The following SLC25A46 variants were observed in gnomAD, a reference collection of about 807,000 sequenced individuals.
SLC25A46 encodes mitochondrial outer membrane protein SLC25A46.
Under a neutral mutation model 44.6 loss-of-function variants are expected in SLC25A46, and 39 were observed. The ratio of observed to expected loss-of-function variants is 0.87; its 90% CI spans 0.68 to 1.14. The LOEUF (loss-of-function observed/expected upper bound fraction) is 1.14, where lower values mean the gene tolerates loss of function less well. SLC25A46 is among the 50% of genes most tolerant of loss of function. SLC25A46 has a pLI of 0.00. For synonymous variants in SLC25A46, 202 were observed against 185.8 expected (o/e 1.09, Z -0.71); for missense variants, 547 against 522.7 (o/e 1.05, Z -0.45).
intron 5 of SLC25A46, among the ~76,000 whole-genome samples, chr5:110,753,032 CAA>C (rs1800007552): frequency 6.6e-6 from 1 of 152,178 alleles, no homozygotes; most frequent in Non-Finnish European, 1.5e-5. Context: ...AGCACAGGGG[CAA>C]AGAGTGCTTC....
At chr5:110,744,036 A>G (rs984152146) in intron 3 of SLC25A46, among the ~76,000 whole-genome samples, 1 of 152,186 alleles carries the variant, frequency 6.6e-6, no homozygotes, top group Admixed American at 6.5e-5. Context: ...CAATGCATCT[A>G]TATAATTCAT....
chr5:110,761,231 A>G lies in SLC25A46; in HGVS notation c.706A>G (p.Ile236Val). ...QSEIIRDNTG[I>V]LECVKEGIGR... ...TGAGATAATTCGAGATAATACTGGC[A>G]TTTTGGAGTGTGTTAAAGAAGGAAT... The change falls in exon 8 of 8, where the codon ATT becomes GTT. Residue 236 changes from isoleucine (I) to valine (V), a missense_variant. Ile to Val is a conservative substitution (Grantham distance 29). Transcript: ENST00000355943. The surrounding 1 kb of genome is among the most constrained non-coding windows in gnomAD (Gnocchi z 5.3). The G allele has an allele frequency of 6.2e-7, 1 of 1,608,268 alleles. No homozygotes were observed. The highest frequency in any genetic ancestry group is 8.5e-7 in the Non-Finnish European group (1 of 1,178,208).
intron 1 of SLC25A46, among the ~76,000 whole-genome samples, chr5:110,740,295 C>G (rs979185655): frequency 1.3e-5 from 2 of 152,122 alleles, no homozygotes; most frequent in African/African-American, 4.8e-5. Context: ...CAGCTTTATT[C>G]TTATTTCCTC....
At chr5:110,753,058 G>A (rs1225652032) in intron 5 of SLC25A46, among the ~76,000 whole-genome samples, 21 of 152,076 alleles carry the variant, frequency 1.4e-4, no homozygotes, top group Admixed American at 1.2e-3. Context: ...GAGAGAAGAG[G>A]CTCTGATGGC....
chr5:110,748,331 A>C, intron 5 of SLC25A46, 68 bp downstream of exon 5: 1 of 1,262,784 alleles, frequency 7.9e-7, no homozygotes, highest in Non-Finnish European at 1.2e-6. Flanking sequence ...CAGGCGGTAC[A>C]TGTGCAGGCT....
In SLC25A46 at chr5:110,741,842, C is replaced by G; in HGVS notation, c.284-205C>G. ...GTAATTGTGCTTTAAACACTCTACA[C>G]CTTGCAATTTGCCACAGACCCCAGC... On this transcript the variant is annotated intron_variant, in intron 1 of 7. Transcript: ENST00000355943. 6.1e-6 allele frequency: 3 copies of G among 495,670 alleles called. No individual in the cohort carries two copies. The South Asian group carries it at 8.9e-5, about 15-fold the overall frequency. The allele number at this position is 495,670 out of a possible 1,614,324, so 30.7% of individuals were successfully genotyped here.
intron 6 of SLC25A46, among the ~76,000 whole-genome samples, 199 bp from the exon 7 acceptor site, chr5:110,756,500 TTCA>T (rs1433673498): frequency 6.6e-6 from 1 of 152,174 alleles, no homozygotes; most frequent in Admixed American, 6.6e-5. Flanking sequence ...ATTTGATTTT[TTCA>T]TCTCTGTTGA....
At position 110,739,060 on chromosome 5, in the gene SLC25A46, C is replaced by T. The variant is rs1561595197; in HGVS notation, c.-60C>T. Reference sequence around the variant, plus strand: ...GACGGGAAGCTGTGTGTGCTTAGGTCGTGGTGGCCCCGGTGGTGGTGGGCT... The same window carrying T: ...GACGGGAAGCTGTGTGTGCTTAGGTTGTGGTGGCCCCGGTGGTGGTGGGCT... On this transcript the variant is annotated 5_prime_UTR_variant, in exon 1 of 8. Transcript: ENST00000355943. 13 of 1,524,404 alleles carry T rather than the reference C, an allele frequency of 8.5e-6. No individual in the cohort carries two copies. The highest frequency in any genetic ancestry group is 2.3e-4 in the Middle Eastern group (1 of 4,334). 94.4% of individuals were successfully genotyped at this position (1,524,404 alleles called of 1,614,324 possible).
chr5:110,749,517 G>A (rs545995438), intron 5 of SLC25A46, among the ~76,000 whole-genome samples: 21 of 150,678 alleles, frequency 1.4e-4, no homozygotes, highest in Non-Finnish European at 2.7e-4. Flanking sequence ...CGGTGGGAAG[G>A]GGGGTAGTTG....
rs776367643 is a variant in SLC25A46 at position 110,761,477 on chromosome 5, A to G, written c.952A>G (p.Ile318Val). 6.2e-7 allele frequency: 1 copy of G among 1,613,796 alleles called. No individual in the cohort carries two copies. The highest frequency in any genetic ancestry group is 1.1e-5 in the South Asian group (1 of 91,078). ...GTTGGATGCTTATTTTCCAGAACTT[A>G]TTGCTAACTTTGCTGCCAGTCTTTG... ...SMLDAYFPEL[I>V]ANFAASLCSD... Residue 318 changes from isoleucine (I) to valine (V), a missense_variant, in exon 8 of 8, where the codon ATT becomes GTT. By Grantham distance (29) the Ile-to-Val change is conservative (BLOSUM62 3). Transcript: ENST00000355943. This position sits in a 1 kb window ranked among gnomAD's most constrained non-coding sequence, Gnocchi z 5.3.
chr5:110,758,901 T>C (rs1800178649), intron 7 of SLC25A46, among the ~76,000 whole-genome samples: 1 of 152,204 alleles, frequency 6.6e-6, no homozygotes, highest in Non-Finnish European at 1.5e-5. Flanking sequence ...TTTTACTGAT[T>C]AAGGATTCAT....
chr5:110,752,063 G>A (rs1236379509), intron 5 of SLC25A46, among the ~76,000 whole-genome samples: 1 of 152,096 alleles, frequency 6.6e-6, no homozygotes, highest in Non-Finnish European at 1.5e-5. Flanking sequence ...ACTACATGAG[G>A]AGGATGAGCT....
At chr5:110,757,569 G>A (rs1356367932) in intron 7 of SLC25A46, among the ~76,000 whole-genome samples, 1 of 151,952 alleles carries the variant, frequency 6.6e-6, no homozygotes, top group Non-Finnish European at 1.5e-5. Flanking sequence ...TTTTCTGGCT[G>A]TATCATTCAT....
In SLC25A46 at chr5:110,739,087, C is replaced by T. The variant is rs1327873623; in HGVS notation, c.-33C>T. ...TGGTGGCCCCGGTGGTGGTGGGCTC[C>T]GGGCGGGCTCGCGTCATCCTGCCCC... On this transcript the variant is annotated 5_prime_UTR_variant, in exon 1 of 8. Coordinates refer to ENST00000355943, the MANE Select transcript of SLC25A46 (RefSeq NM_138773.4). 2.6e-6 allele frequency: 4 copies of T among 1,537,790 alleles called. No individual in the cohort carries two copies. Among genetic ancestry groups the T allele is most frequent in the African/African-American group, 2.8e-5 (2 of 72,654 alleles).
intron 4 of SLC25A46, among the ~76,000 whole-genome samples, chr5:110,747,929 A>G (rs1187539986): frequency 6.6e-6 from 1 of 152,174 alleles, no homozygotes; most frequent in Non-Finnish European, 1.5e-5. Flanking sequence ...ATATATAGAT[A>G]TTAGGGATAT....
At position 110,761,790 on chromosome 5, in the gene SLC25A46, G is replaced by C; in HGVS notation, c.*8G>C. ...CTTCAAAATAACATTTGAGATTTAG[G>C]TTCCTTCACTGAGTAGTCTGGAAGA... On this transcript the variant is annotated 3_prime_UTR_variant, in exon 8 of 8. Coordinates refer to ENST00000355943, the MANE Select transcript of SLC25A46 (RefSeq NM_138773.4). The surrounding 1 kb of genome is among the most constrained non-coding windows in gnomAD (Gnocchi z 5.3). The C allele has an allele frequency of 1.3e-6, 2 of 1,594,648 alleles. No homozygotes were observed. The highest frequency in any genetic ancestry group is 1.7e-6 in the Non-Finnish European group (2 of 1,170,092).
At chr5:110,743,528 C>T (rs959479114) in intron 2 of SLC25A46, among the ~76,000 whole-genome samples, 3 of 151,974 alleles carry the variant, frequency 2.0e-5, no homozygotes, top group Non-Finnish European at 4.4e-5. Flanking sequence ...GGTTTTCATT[C>T]TTTTCATATT....
chr5:110,743,844 C>T, intron 3 of SLC25A46, 57 bp downstream of exon 3: 2 of 1,290,252 alleles, frequency 1.6e-6, no homozygotes, highest in Non-Finnish European at 1.1e-6. Flanking sequence ...ATATGAAGGG[C>T]AGAACTCACA....
chr5:110,740,718 A>C (rs1411099815), intron 1 of SLC25A46, among the ~76,000 whole-genome samples: 2 of 151,914 alleles, frequency 1.3e-5, no homozygotes, highest in Non-Finnish European at 2.9e-5. Flanking sequence ...TTGGGAGGCC[A>C]AGGCGGGCGG....
Sources: allele counts gnomAD v4.1 joint callset (sites outside exome capture counted in the v4.1 genomes callset), GRCh38; gene constraint gnomAD v4.1.1; non-coding constraint Gnocchi (gnomAD v3.1); transcripts MANE v1.5; gene names NCBI Gene and HGNC (gene_info 2026-07-23, HGNC 2026-07-21).